Variants in WDR47 observed in about 807,000 individuals in gnomAD.
The protein encoded by WDR47 is WD repeat-containing protein 47.
In WDR47, 32 loss-of-function variants were observed where a neutral mutation model predicts 97.2. The ratio of observed to expected loss-of-function variants is 0.33; its 90% CI spans 0.25 to 0.44. The LOEUF is 0.44. WDR47 is among the 20% of genes least tolerant of loss of function. WDR47 has a pLI of 1.00. For synonymous variants in WDR47, 375 were observed against 373.5 expected (o/e 1.00, Z -0.05); for missense variants, 782 against 1,102.3 (o/e 0.71, Z 4.11).
chr1:108,977,103 A>G (rs1360157380), intron 13 of WDR47, among the ~76,000 whole-genome samples: 2 of 152,196 alleles, frequency 1.3e-5, no homozygotes, highest in African/African-American at 4.8e-5. Flanking sequence ...ATGGTGGTTT[A>G]TGCTATTTAT....
rs1263786626 is a variant in WDR47 at position 108,976,646 on chromosome 1, G to C, written c.2399-1892C>G. On this transcript the variant is annotated intron_variant, in intron 13 of 14. Coordinates refer to ENST00000369962, the MANE Select transcript of WDR47 (RefSeq NM_001142551.2). ...GTAAACAAGTACATAATTTTAAATAGTGATAAGAGTTCAGTAATAGAAAAT... is the reference window on the plus strand; with the variant it reads ...GTAAACAAGTACATAATTTTAAATACTGATAAGAGTTCAGTAATAGAAAAT... Among the ~76,000 whole-genome samples, 5 of 152,264 alleles carry C rather than the reference G, an allele frequency of 3.3e-5. No homozygotes were observed. The East Asian group carries it at 9.6e-4, about 29-fold the overall frequency.
intron 1 of WDR47, among the ~76,000 whole-genome samples, chr1:109,029,333 G>T (rs1662451928): frequency 6.6e-6 from 1 of 151,730 alleles, no homozygotes; most frequent in Non-Finnish European, 1.5e-5. Flanking sequence ...GACCAGCCTG[G>T]CCGAGATGCT....
chr1:109,027,298 C>T lies in WDR47; in HGVS notation c.-9-3777G>A, dbSNP rs556339877. On this transcript the variant is annotated intron_variant, in intron 1 of 14. Coordinates refer to ENST00000369962, the MANE Select transcript of WDR47 (RefSeq NM_001142551.2). ...CTCAAACTCTTGACCTCAGGTGATC[C>T]GCCCACCTCAGCCTCCCAAAGTGCT... Among the ~76,000 whole-genome samples the T allele has an allele frequency of 2.6e-5, 4 of 152,136 alleles. No individual in the cohort carries two copies. The South Asian group carries it at 6.2e-4, about 24-fold the overall frequency.
In WDR47 at chr1:108,990,885, G is replaced by A. The variant is rs537245071; in HGVS notation, c.1767+369C>T. Among the ~76,000 whole-genome samples, 28 of 152,130 alleles carry A rather than the reference G, an allele frequency of 1.8e-4. No homozygotes were observed. In the South Asian group the frequency reaches 3.1e-3, roughly 17 times the overall value. On this transcript the variant is annotated intron_variant, in intron 9 of 14. Coordinates refer to ENST00000369962, the MANE Select transcript of WDR47 (RefSeq NM_001142551.2). ...AGGCCATTAATATGAACACTCCCAC[G>A]TGTCCAACTGTGCTTTCTAAGGCTC... is the stretch of plus-strand genomic sequence containing the variant.
Position 109,002,372 on chromosome 1 carries a change from A to G in WDR47, c.1285T>C (p.Tyr429His). Residue 429 changes from tyrosine to histidine, a missense_variant, in exon 7 of 15, where the codon TAT (tyrosine) becomes CAT (histidine). Physicochemically the swap from Tyr to His is moderately conservative, Grantham distance 83. Coordinates refer to ENST00000369962, the MANE Select transcript of WDR47 (RefSeq NM_001142551.2). The part of the protein sequence containing the change: ...LRDSTEQFQE[Y>H]YRQRLRYQQH... ...TGATAGCGTAATCTTTGCCTATAATATTCTTGAAATTGTTCTGTTGAATCT... is the reference window on the plus strand; with the variant it reads ...TGATAGCGTAATCTTTGCCTATAATGTTCTTGAAATTGTTCTGTTGAATCT... The G allele has an allele frequency of 6.2e-7, 1 of 1,606,350 alleles. No homozygotes were observed. Among genetic ancestry groups the G allele is most frequent in the Non-Finnish European group, 8.5e-7 (1 of 1,178,184 alleles).
rs114241993 is a variant in WDR47, at chr1:108,982,821, A to G, written c.2096-42T>C. ...AATTAAAAAAAAAAAATGCTGCTCAACTTACTGTGATAACTTGAGATTGCT... is the reference window on the plus strand; with the variant it reads ...AATTAAAAAAAAAAAATGCTGCTCAGCTTACTGTGATAACTTGAGATTGCT... On this transcript the variant is annotated intron_variant, in intron 11 of 14. Coordinates refer to ENST00000369962, the MANE Select transcript of WDR47 (RefSeq NM_001142551.2). The G allele has an allele frequency of 1.7e-3, 2,622 of 1,559,144 alleles. 50 individuals are homozygous for G. In the African/African-American group the frequency reaches 0.033, roughly 19 times the overall value.
chr1:109,011,600 T>C lies in WDR47; in HGVS notation c.446A>G (p.His149Arg), dbSNP rs1278898689. 6.2e-7 allele frequency: 1 copy of C among 1,614,200 alleles called. No homozygotes were observed. Among genetic ancestry groups the C allele is most frequent in the East Asian group, 2.2e-5 (1 of 44,888 alleles). ...LLLTLPRLTN[H>R]AEFKDWNPST... ...GGGATTCCAGTCCTTAAACTCGGCA[T>C]GATTGGTCAGACGAGGCAAAGTCAA... is the stretch of plus-strand genomic sequence containing the variant. The change falls in exon 5 of 15, where the codon CAT (histidine) becomes CGT (arginine). Residue 149 changes from histidine (H) to arginine (R), a missense_variant. By Grantham distance (29) the His-to-Arg change is conservative. This residue lies in a region of WDR47 where 428 missense variants were observed against 584.3 expected (regional missense o/e 0.73). Transcript: ENST00000369962.
intron 6 of WDR47, among the ~76,000 whole-genome samples, chr1:109,004,257 T>TC: frequency 6.8e-6 from 1 of 147,148 alleles, no homozygotes; most frequent in Admixed American, 6.8e-5. Context: ...AGAACAAGAC[T>TC]CCGTCTCAAA....
chr1:108,983,978 G>T (rs1329477195), intron 10 of WDR47, among the ~76,000 whole-genome samples: 4 of 152,128 alleles, frequency 2.6e-5, no homozygotes, highest in Non-Finnish European at 5.9e-5. Flanking sequence ...ATAAAGCACT[G>T]GGCCTTAAAG....
At chr1:109,029,428 G>A (rs1662458966) in intron 1 of WDR47, among the ~76,000 whole-genome samples, 1 of 152,120 alleles carries the variant, frequency 6.6e-6, no homozygotes, top group South Asian at 2.1e-4. Flanking sequence ...GGGAGGCTGA[G>A]GCTGGTGGAT....
chr1:108,986,478 T>C, intron 10 of WDR47, 45 bp downstream of exon 10: 1 of 1,534,724 alleles, frequency 6.5e-7, no homozygotes. Context: ...TACGGCTAAA[T>C]TAAAAACTAA....
Position 108,974,770 on chromosome 1 carries a change from T to C in WDR47, c.2399-16A>G. 6.3e-7 allele frequency: 1 copy of C among 1,584,996 alleles called. No homozygotes were observed. Among genetic ancestry groups the C allele is most frequent in the Non-Finnish European group, 8.6e-7 (1 of 1,163,354 alleles). ...ACTGCACTGCCTGTAGTGGTAGGAATGAAAGTTTAAATACAGAAAATCAAT... is the reference window on the plus strand; with the variant it reads ...ACTGCACTGCCTGTAGTGGTAGGAACGAAAGTTTAAATACAGAAAATCAAT... On this transcript the variant is annotated splice_polypyrimidine_tract_variant and intron_variant, in intron 13 of 14. Coordinates refer to ENST00000369962, the MANE Select transcript of WDR47 (RefSeq NM_001142551.2).
rs10712683 is a variant in WDR47 at position 108,972,947 on chromosome 1, G to GA, written c.2618-1376dup. The stretch of plus-strand genomic sequence containing the variant: ...GGCGACAGAGCGAGACTCTGTCTCA[G>GA]AAAAAAAAAAAAAAAAAGTCTATAA... On this transcript the variant is annotated intron_variant, in intron 14 of 14. Transcript: ENST00000369962. Among the ~76,000 whole-genome samples, 898 of 116,108 alleles carry GA rather than the reference G, an allele frequency of 7.7e-3. 7 individuals carry two copies. The highest frequency in any genetic ancestry group is 0.013 in the Admixed American group (150 of 11,354). 76.2% of individuals were successfully genotyped at this position (116,108 alleles called of 152,430 possible).
rs548661855 is a variant in WDR47 at position 109,001,824 on chromosome 1, G to A, written c.1433+400C>T. 1.4e-3 allele frequency among the ~76,000 whole-genome samples: 217 copies of A among 152,240 alleles called. 1 individual carries two copies. Among genetic ancestry groups the A allele is most frequent in the Non-Finnish European group, 2.6e-3 (177 of 68,014 alleles). ...GAGGATCACTTGAGCCCAGGAAGTTGAAGCTGCAGTGAGCCAAGACTGTGC... is the reference window on the plus strand; with the variant it reads ...GAGGATCACTTGAGCCCAGGAAGTTAAAGCTGCAGTGAGCCAAGACTGTGC... On this transcript the variant is annotated intron_variant, in intron 7 of 14. Transcript: ENST00000369962.
At chr1:108,977,984 CAAAA>C (rs953176965) in intron 13 of WDR47, among the ~76,000 whole-genome samples, 5 of 105,762 alleles carry the variant, frequency 4.7e-5, no homozygotes, top group East Asian at 3.0e-4. Flanking sequence ...AACACTCTCT[CAAAA>C]AAAAAAAAAA....
At chr1:108,988,996 G>T (rs1356625241) in intron 9 of WDR47, among the ~76,000 whole-genome samples, 2 of 152,104 alleles carry the variant, frequency 1.3e-5, no homozygotes, top group South Asian at 4.1e-4. Flanking sequence ...GAGCTCAAGT[G>T]ATCTGCCACC....
chr1:108,991,622 C>T (rs149141949), intron 8 of WDR47, among the ~76,000 whole-genome samples: 3,353 of 152,202 alleles, frequency 0.022, 58 homozygotes, highest in Non-Finnish European at 0.029. Flanking sequence ...GTTTGCTATG[C>T]TTAAATCCAA....
At chr1:108,977,482 T>C (rs1301683217) in intron 13 of WDR47, among the ~76,000 whole-genome samples, 1 of 152,210 alleles carries the variant, frequency 6.6e-6, no homozygotes, top group Non-Finnish European at 1.5e-5. Context: ...ATTTAACTTT[T>C]AGATCATGTA....
intron 11 of WDR47, 156 bp from the exon 12 acceptor site, chr1:108,982,935 T>C (rs1658459372): frequency 1.1e-6 from 1 of 873,390 alleles, no homozygotes; most frequent in Non-Finnish European, 1.7e-6. Flanking sequence ...AGTTTCACTT[T>C]ACTGAGCAAA....
Sources: allele counts gnomAD v4.1 joint callset (sites outside exome capture counted in the v4.1 genomes callset), GRCh38; gene constraint gnomAD v4.1.1; regional missense constraint gnomAD v4.1.1; transcripts MANE v1.5; gene names NCBI Gene and HGNC (gene_info 2026-07-23, HGNC 2026-07-21).